GRIA4: variants seen among roughly 807,000 people sequenced by gnomAD.
GRIA4 encodes the protein glutamate ionotropic receptor AMPA type subunit 4, also known as glutamate receptor 4.
In GRIA4, 34 loss-of-function variants were observed where a neutral mutation model predicts 104.0. The ratio of observed to expected loss-of-function variants is 0.33; its 90% CI spans 0.25 to 0.44. The LOEUF is 0.44. Among genes scored for constraint, GRIA4 ranks in the 20% least tolerant of loss-of-function variants. The pLI, the probability that GRIA4 is intolerant of heterozygous loss-of-function variation, is 1.00. For synonymous variants in GRIA4, 386 were observed against 381.9 expected, an observed-to-expected ratio of 1.01 and a Z score of -0.13; for missense variants, 750 against 1,096.5, an observed-to-expected ratio of 0.68 and a Z score of 4.46.
chr11:105,739,718 T>A (rs1939190068), intron 3 of GRIA4, among the ~76,000 whole-genome samples: 2 of 152,280 alleles, frequency 1.3e-5, no homozygotes, highest in South Asian at 4.1e-4. Context: ...GAGGAGCTTA[T>A]CATTTTAACA....
chr11:105,663,882 C>T (rs1952085637), intron 3 of GRIA4, among the ~76,000 whole-genome samples: 1 of 151,560 alleles, frequency 6.6e-6, no homozygotes, highest in Non-Finnish European at 1.5e-5. Flanking sequence ...TGTAACAGTG[C>T]TCAACTTTTC....
intron 4 of GRIA4, among the ~76,000 whole-genome samples, chr11:105,759,369 TTC>T (rs560308405): frequency 2.6e-5 from 4 of 152,184 alleles, no homozygotes; most frequent in Admixed American, 6.6e-5. Flanking sequence ...TGATAGCTTA[TTC>T]TCTTTTTCCT....
At chr11:105,949,504 A>G (rs1948409610) in intron 14 of GRIA4, among the ~76,000 whole-genome samples, 1 of 152,208 alleles carries the variant, frequency 6.6e-6, no homozygotes, top group African/African-American at 2.4e-5. Flanking sequence ...AGAGAAAGAA[A>G]AGATTTACAT....
chr11:105,635,981 T>C (rs1433550184), intron 3 of GRIA4, among the ~76,000 whole-genome samples: 2 of 152,204 alleles, frequency 1.3e-5, no homozygotes, highest in Non-Finnish European at 2.9e-5. Context: ...GAATATTTCA[T>C]ATGAACTCAG....
chr11:105,685,911 T>C (rs1952865997), intron 3 of GRIA4, among the ~76,000 whole-genome samples: 1 of 151,926 alleles, frequency 6.6e-6, no homozygotes, highest in Admixed American at 6.6e-5. Flanking sequence ...CAATAAACAT[T>C]TTTTAAGTCA....
chr11:105,823,336 A>C (rs938808607), intron 4 of GRIA4, among the ~76,000 whole-genome samples: 3 of 152,110 alleles, frequency 2.0e-5, no homozygotes, highest in Non-Finnish European at 4.4e-5. Flanking sequence ...ATAAACATCC[A>C]ATTTCTTCTA....
chr11:105,937,773 A>G (rs1205140000), intron 14 of GRIA4, among the ~76,000 whole-genome samples: 1 of 152,202 alleles, frequency 6.6e-6, no homozygotes, highest in Admixed American at 6.6e-5. Flanking sequence ...GAAAAAAAAT[A>G]AAAATAAAAA....
intron 5 of GRIA4, among the ~76,000 whole-genome samples, chr11:105,879,985 T>C (rs1348142876): frequency 6.6e-6 from 1 of 152,212 alleles, no homozygotes; most frequent in African/African-American, 2.4e-5. Context: ...ACTTAATGCC[T>C]ATATTTATTT....
intron 3 of GRIA4, among the ~76,000 whole-genome samples, chr11:105,690,099 T>C (rs1953031287): frequency 6.6e-6 from 1 of 152,196 alleles, no homozygotes; most frequent in Admixed American, 6.5e-5. Flanking sequence ...TGTCTATACT[T>C]ACATCTTTTT....
chr11:105,855,974 T>G (rs1483990654), intron 4 of GRIA4, among the ~76,000 whole-genome samples: 1 of 152,126 alleles, frequency 6.6e-6, no homozygotes, highest in East Asian at 1.9e-4. Context: ...GAGTTCAATC[T>G]GAAAATAGAA....
chr11:105,896,802 G>A (rs974095350), intron 6 of GRIA4, among the ~76,000 whole-genome samples: 4 of 152,104 alleles, frequency 2.6e-5, no homozygotes, highest in African/African-American at 4.8e-5. Flanking sequence ...ATGCTGTTAT[G>A]GTTACTATAG....
intron 3 of GRIA4, among the ~76,000 whole-genome samples, chr11:105,727,143 AG>A (rs1333921830): frequency 2.6e-5 from 4 of 152,034 alleles, no homozygotes; most frequent in Non-Finnish European, 5.9e-5. Context: ...CTTGGAAAAA[AG>A]GTTAGAGGAA....
At chr11:105,715,215 A>AGATGCT (rs1954049744) in intron 3 of GRIA4, among the ~76,000 whole-genome samples, 1 of 152,218 alleles carries the variant, frequency 6.6e-6, no homozygotes, top group African/African-American at 2.4e-5. Context: ...CATAATCAAA[A>AGATGCT]GATGCTGTAA....
intron 5 of GRIA4, among the ~76,000 whole-genome samples, chr11:105,873,322 T>C (rs1945686093): frequency 1.3e-5 from 2 of 152,226 alleles, no homozygotes; most frequent in African/African-American, 2.4e-5. Context: ...CAGTCTACCA[T>C]TGATGGGCAT....
rs565395386 is a variant in GRIA4 at position 105,902,040 on chromosome 11, C to T, written c.886-1774C>T. Reference sequence around the variant, plus strand: ...AGCACATTCAGTTTTGGTGTAGTACCTTGCTTAAACACCTTAATTTTTCTC... The same window carrying T: ...AGCACATTCAGTTTTGGTGTAGTACTTTGCTTAAACACCTTAATTTTTCTC... On this transcript the variant is annotated intron_variant, in intron 7 of 16. Transcript: ENST00000282499. Among the ~76,000 whole-genome samples the T allele has an allele frequency of 2.6e-5, 4 of 152,272 alleles. No individual in the cohort carries two copies. In the East Asian group the frequency reaches 7.7e-4, roughly 29 times the overall value.
chr11:105,692,889 C>T (rs548801487), intron 3 of GRIA4, among the ~76,000 whole-genome samples: 26 of 152,140 alleles, frequency 1.7e-4, no homozygotes, highest in Non-Finnish European at 3.5e-4. Context: ...TATAAATGGA[C>T]GTGAAGCATG....
intron 4 of GRIA4, among the ~76,000 whole-genome samples, chr11:105,784,018 C>T (rs1941848052): frequency 6.6e-6 from 1 of 152,170 alleles, no homozygotes; most frequent in African/African-American, 2.4e-5. Flanking sequence ...TTTGCTTCCT[C>T]TACATATGTA....
At chr11:105,831,282 A>T (rs1414311958) in intron 4 of GRIA4, among the ~76,000 whole-genome samples, 4 of 151,996 alleles carry the variant, frequency 2.6e-5, no homozygotes, top group Non-Finnish European at 5.9e-5. Context: ...ACGTTCCAAG[A>T]AGGAGTGTTT....
chr11:105,915,661 T>C lies in GRIA4; in HGVS notation c.1270-3051T>C, dbSNP rs1425523490. Among the ~76,000 whole-genome samples, 8 of 152,324 alleles carry C rather than the reference T, an allele frequency of 5.3e-5. No homozygotes were observed. In the East Asian group the frequency reaches 1.5e-3, roughly 29 times the overall value. On this transcript the variant is annotated intron_variant, in intron 10 of 16. Transcript: ENST00000282499. ...AAGGTTTTTATCTACACTGTTTACA[T>C]AGAAGATCATATGAAGAATTTCATT...
Sources: gnomAD v4.1 joint callset for allele counts (sites outside exome capture counted in the v4.1 genomes callset) on GRCh38, gnomAD v4.1.1 for gene constraint, MANE v1.5 for transcripts, NCBI Gene and HGNC (gene_info 2026-07-23, HGNC 2026-07-21) for gene names.